Variants in MDGA2 observed in about 807,000 individuals in gnomAD.
MDGA2 encodes the protein MAM domain containing glycosylphosphatidylinositol anchor 2.
Under a neutral mutation model 117.8 loss-of-function variants are expected in MDGA2, and 40 were observed. The observed-to-expected ratio is 0.34, with a 90% confidence interval of 0.26 to 0.44. The LOEUF (loss-of-function observed/expected upper bound fraction) is 0.44. MDGA2 is among the 20% of genes least tolerant of loss of function. The pLI is 1.00. For synonymous variants in MDGA2, 452 were observed against 439.0 expected, an observed-to-expected ratio of 1.03 and a Z score of -0.37; for missense variants, 1,123 against 1,250.6, an observed-to-expected ratio of 0.90 and a Z score of 1.54.
At chr14:46,968,583 C>G (rs904095602) in intron 8 of MDGA2, among the ~76,000 whole-genome samples, 1 of 151,928 alleles carries the variant, frequency 6.6e-6, no homozygotes, top group African/African-American at 2.4e-5. Context: ...CCTGTAATCC[C>G]GGCACTTTGG....
chr14:46,890,868 A>C (rs531178595), intron 10 of MDGA2, among the ~76,000 whole-genome samples: 12 of 152,288 alleles, frequency 7.9e-5, no homozygotes, highest in African/African-American at 2.2e-4. Flanking sequence ...AAGTTGAAAA[A>C]ACATTGAATC....
chr14:47,624,911 T>C (rs1270734808), intron 1 of MDGA2, among the ~76,000 whole-genome samples: 3 of 152,202 alleles, frequency 2.0e-5, no homozygotes, highest in Admixed American at 6.5e-5. Flanking sequence ...TCTTTGCCCA[T>C]ATAGATATTT....
chr14:47,312,626 C>G (rs781736172), intron 1 of MDGA2, among the ~76,000 whole-genome samples: 21 of 151,622 alleles, frequency 1.4e-4, no homozygotes, highest in Non-Finnish European at 2.4e-4. Context: ...ATCTCAACCT[C>G]CTGAGCAGCT....
intron 6 of MDGA2, among the ~76,000 whole-genome samples, chr14:47,084,508 A>C (rs1427694493): frequency 2.6e-5 from 4 of 152,200 alleles, no homozygotes; most frequent in Non-Finnish European, 5.9e-5. Context: ...TAAAAAAAAA[A>C]AAAAAACTGA....
chr14:47,301,631 A>C, intron 1 of MDGA2, 81 bp from the exon 2 acceptor site: 1 of 1,442,370 alleles, frequency 6.9e-7, no homozygotes, highest in Non-Finnish European at 9.5e-7. Context: ...TGACTATAAA[A>C]GCAATTCTTA....
intron 8 of MDGA2, among the ~76,000 whole-genome samples, chr14:46,980,926 T>C (rs1466042101): frequency 6.6e-6 from 1 of 152,194 alleles, no homozygotes; most frequent in Admixed American, 6.5e-5. Context: ...ATTTCAGAAT[T>C]TGCTTTATTG....
At chr14:47,084,740 C>G (rs1890836518) in intron 6 of MDGA2, among the ~76,000 whole-genome samples, 1 of 152,126 alleles carries the variant, frequency 6.6e-6, no homozygotes, top group Non-Finnish European at 1.5e-5. Flanking sequence ...ACAGAGAGAG[C>G]TGGCTTTCCC....
At chr14:46,929,208 A>C (rs950900692) in intron 9 of MDGA2, among the ~76,000 whole-genome samples, 2 of 152,138 alleles carry the variant, frequency 1.3e-5, no homozygotes, top group African/African-American at 4.8e-5. Context: ...ATTTTAAACA[A>C]ATATGCCATT....
chr14:47,196,994 A>T (rs1246688983), intron 3 of MDGA2, among the ~76,000 whole-genome samples: 1 of 152,132 alleles, frequency 6.6e-6, no homozygotes, highest in Non-Finnish European at 1.5e-5. Context: ...AAAGGACATG[A>T]TTTCATTATT....
At chr14:47,226,136 A>C (rs1886489823) in intron 2 of MDGA2, among the ~76,000 whole-genome samples, 1 of 151,560 alleles carries the variant, frequency 6.6e-6, no homozygotes, top group Non-Finnish European at 1.5e-5. Context: ...ACAAAAAATA[A>C]AAATAAAAAA....
chr14:47,438,743 T>C (rs1016420425), intron 1 of MDGA2, among the ~76,000 whole-genome samples: 3 of 152,058 alleles, frequency 2.0e-5, no homozygotes, highest in Non-Finnish European at 4.4e-5. Flanking sequence ...TGGGCCAGGG[T>C]TTATTTTCCA....
In MDGA2 at chr14:47,674,609, T is replaced by A; in HGVS notation, c.188A>T (p.Tyr63Phe). ...ATCCATCTTCACGTGAACATGAACA[T>A]ATCCAGCCCAGGGGGTACGCAACGG... ...KVPLRTPWAG[Y>F]VHVHVKMDLL... Residue 63 changes from tyrosine (Y) to phenylalanine (F), a missense_variant, in exon 1 of 17, where the codon TAT becomes TTT. Tyr to Phe is a conservative substitution (Grantham distance 22). This residue lies in a region of MDGA2 where 233 missense variants were observed against 200.3 expected (regional missense o/e 1.16). Coordinates refer to ENST00000399232, the MANE Select transcript of MDGA2 (RefSeq NM_001113498.3). 1 of 1,547,296 alleles carries A rather than the reference T, an allele frequency of 6.5e-7. No homozygotes were observed. The highest frequency in any genetic ancestry group is 8.7e-7 in the Non-Finnish European group (1 of 1,143,656).
At chr14:47,297,243 C>T (rs971851499) in intron 2 of MDGA2, among the ~76,000 whole-genome samples, 3 of 151,722 alleles carry the variant, frequency 2.0e-5, no homozygotes, top group Non-Finnish European at 2.9e-5. Flanking sequence ...AGGTGATATG[C>T]CAAACTATTT....
intron 1 of MDGA2, among the ~76,000 whole-genome samples, chr14:47,589,377 C>T (rs1370495478): frequency 6.6e-6 from 1 of 151,946 alleles, no homozygotes; most frequent in African/African-American, 2.4e-5. Flanking sequence ...AAGGACAAGT[C>T]CAATGTCATT....
At chr14:46,871,355 C>T (rs1387622825) in intron 14 of MDGA2, 1 of 151,940 alleles carries the variant, frequency 6.6e-6, no homozygotes, top group Admixed American at 6.6e-5. Context: ...AGTGTTCCTG[C>T]ACAGTAATAA....
intron 14 of MDGA2, chr14:46,871,041 G>A (rs1881974167): frequency 6.6e-6 from 1 of 151,588 alleles, no homozygotes; most frequent in South Asian, 2.1e-4. Flanking sequence ...AAAACAAAGA[G>A]GAAACAGAGT....
intron 2 of MDGA2, among the ~76,000 whole-genome samples, chr14:47,292,584 C>T (rs72682145): frequency 0.091 from 13,848 of 152,146 alleles, 782 homozygotes; most frequent in Non-Finnish European, 0.11. Context: ...CCAGTGTAAG[C>T]TGCTATGTAA....
chr14:47,549,153 G>A (rs1895526628), intron 1 of MDGA2, among the ~76,000 whole-genome samples: 1 of 152,114 alleles, frequency 6.6e-6, no homozygotes, highest in Admixed American at 6.6e-5. Flanking sequence ...CATAGCTACT[G>A]CTTTCAGGAA....
chr14:46,928,601 T>C (rs991982161), intron 9 of MDGA2, among the ~76,000 whole-genome samples: 6 of 152,138 alleles, frequency 3.9e-5, no homozygotes, highest in African/African-American at 1.4e-4. Context: ...ATCCACTTTC[T>C]AGTGACTCAG....
Sources: gnomAD v4.1 joint callset for allele counts (sites outside exome capture counted in the v4.1 genomes callset) on GRCh38, gnomAD v4.1.1 for gene constraint, gnomAD v4.1.1 regional missense constraint, MANE v1.5 for transcripts, NCBI Gene and HGNC (gene_info 2026-07-23, HGNC 2026-07-21) for gene names.